The following ORC3 variants were observed in gnomAD, a reference collection of about 807,000 sequenced individuals.
The protein encoded by ORC3 is homolog of latheo, Drosophila.
In ORC3, 78 loss-of-function variants were observed where a neutral mutation model predicts 100.7. That is an observed-to-expected ratio of 0.77 (90% CI 0.65 to 0.94). ORC3 has a LOEUF of 0.94. ORC3 is among the 40% of genes least tolerant of loss of function. ORC3 has a pLI of 0.00. For missense variants in ORC3, 789 were observed against 823.9 expected (o/e 0.96, Z 0.52); for synonymous variants, 295 against 289.3 (o/e 1.02, Z -0.20).
intron 8 of ORC3, among the ~76,000 whole-genome samples, chr6:87,613,930 G>C (rs922448382): frequency 1.3e-5 from 2 of 152,210 alleles, no homozygotes; most frequent in Non-Finnish European, 2.9e-5. Flanking sequence ...GGTGCAAGCT[G>C]TTGGTGGATC....
intron 13 of ORC3, among the ~76,000 whole-genome samples, chr6:87,648,485 T>A (rs1768980002): frequency 6.6e-6 from 1 of 152,180 alleles, no homozygotes; most frequent in Admixed American, 6.5e-5. Flanking sequence ...CCTAATATTC[T>A]ACCACAGATG....
intron 13 of ORC3, 35 bp downstream of exon 13, chr6:87,636,521 CT>C (rs1562359410): frequency 2.9e-6 from 4 of 1,392,890 alleles, no homozygotes; most frequent in Non-Finnish European, 4.1e-6. Flanking sequence ...CTATTTTTGT[CT>C]GCTATAAGCC....
intron 1 of ORC3, among the ~76,000 whole-genome samples, chr6:87,592,453 A>G (rs1343498478): frequency 6.6e-6 from 1 of 151,988 alleles, no homozygotes; most frequent in East Asian, 1.9e-4. Context: ...CAACATGGTG[A>G]AACCACATCT....
chr6:87,673,839 CA>C, the ORC3 span, among the ~76,000 whole-genome samples: 96 of 142,412 alleles, frequency 6.7e-4, 1 homozygote, highest in Middle Eastern at 7.3e-3. Flanking sequence ...GACTCCATCT[CA>C]AAAAAAAAAA....
intron 8 of ORC3, among the ~76,000 whole-genome samples, 154 bp from the exon 9 acceptor site, chr6:87,616,160 T>C (rs761907736): frequency 7.2e-5 from 11 of 152,222 alleles, no homozygotes; most frequent in Non-Finnish European, 1.5e-4. Context: ...TTAAAATTTT[T>C]GTTGACATTT....
intron 1 of ORC3, among the ~76,000 whole-genome samples, chr6:87,593,220 C>G (rs912594979): frequency 1.3e-5 from 2 of 152,190 alleles, no homozygotes; most frequent in African/African-American, 4.8e-5. Flanking sequence ...TAATATGAAA[C>G]TAAACATAGC....
intron 3 of ORC3, among the ~76,000 whole-genome samples, chr6:87,602,954 A>ATATATATATAT (rs1554236515): frequency 3.1e-5 from 3 of 95,300 alleles, no homozygotes; most frequent in African/African-American, 4.2e-5. Flanking sequence ...ACACATATAT[A>ATATATATATAT]ATATATATAT....
At chr6:87,628,214 A>G (rs1780064278) in intron 11 of ORC3, among the ~76,000 whole-genome samples, 1 of 152,216 alleles carries the variant, frequency 6.6e-6, no homozygotes, top group Admixed American at 6.5e-5. Context: ...TAAACAGCTA[A>G]TGCATGCGGG....
chr6:87,614,671 CA>C (rs1213275743), intron 8 of ORC3, among the ~76,000 whole-genome samples: 1 of 152,154 alleles, frequency 6.6e-6, no homozygotes, highest in Non-Finnish European at 1.5e-5. Context: ...CCCTCAAGTT[CA>C]AAGTTCCACA....
intron 13 of ORC3, among the ~76,000 whole-genome samples, chr6:87,649,636 C>T (rs1408790914): frequency 6.6e-6 from 1 of 152,132 alleles, no homozygotes; most frequent in Non-Finnish European, 1.5e-5. Context: ...ATTCCAGCTA[C>T]TCAGGAGGCT....
At position 87,634,919 on chromosome 6, in the gene ORC3, T is replaced by G. The variant is rs776623223; in HGVS notation, c.1260T>G (p.His420Gln). The G allele has an allele frequency of 6.2e-6, 10 of 1,603,120 alleles. No individual in the cohort carries two copies. Among genetic ancestry groups the G allele is most frequent in the Middle Eastern group, 1.7e-4 (1 of 6,036 alleles). Reference sequence around the variant, plus strand: ...ACTTCCTGGTTTTGAGATGTCTTCATAAGTTCACCTCTTCTCTTCCCAAGT... The same window carrying G: ...ACTTCCTGGTTTTGAGATGTCTTCAGAAGTTCACCTCTTCTCTTCCCAAGT... ...MNYFLVLRCLHKFTSSLPKYP... is the reference protein window; with the variant it reads ...MNYFLVLRCLQKFTSSLPKYP... Residue 420 changes from histidine to glutamine, a missense_variant, in exon 12 of 20, where the codon CAT (histidine) becomes CAG (glutamine). This residue lies in a region of ORC3 where 366 missense variants were observed against 394.2 expected (regional missense o/e 0.93). Coordinates refer to ENST00000392844, the MANE Select transcript of ORC3 (RefSeq NM_012381.4).
intron 16 of ORC3, among the ~76,000 whole-genome samples, chr6:87,660,136 A>G (rs1770072518): frequency 6.6e-6 from 1 of 152,188 alleles, no homozygotes; most frequent in African/African-American, 2.4e-5. Context: ...TAGGCTCTGA[A>G]ATCACATCAG....
chr6:87,665,544 A>G (rs1269352110), intron 18 of ORC3, among the ~76,000 whole-genome samples: 3 of 152,200 alleles, frequency 2.0e-5, no homozygotes, highest in Non-Finnish European at 4.4e-5. Context: ...GCATACTCTT[A>G]GTTCTCTGAA....
At chr6:87,640,148 C>T (rs1003674720) in intron 13 of ORC3, among the ~76,000 whole-genome samples, 3 of 148,064 alleles carry the variant, frequency 2.0e-5, no homozygotes, top group South Asian at 2.1e-4. Context: ...TTCAGCCAGC[C>T]TCTAGTGTAT....
intron 13 of ORC3, among the ~76,000 whole-genome samples, chr6:87,643,340 C>T (rs1184045699): frequency 5.3e-5 from 8 of 151,466 alleles, no homozygotes; most frequent in Middle Eastern, 6.8e-3. Flanking sequence ...TTAACAAGCA[C>T]TCTGGCACAT....
At chr6:87,636,227 T>C (rs1767816591) in intron 12 of ORC3, among the ~76,000 whole-genome samples, 180 bp from the exon 13 acceptor site, 2 of 152,156 alleles carry the variant, frequency 1.3e-5, no homozygotes, top group East Asian at 1.9e-4. Flanking sequence ...CCACCGCGCC[T>C]GGCCGTAAAT....
At chr6:87,666,988 A>C (rs1770695440) in intron 19 of ORC3, 30 bp from the exon 20 acceptor site, 3 of 1,369,112 alleles carry the variant, frequency 2.2e-6, no homozygotes, top group Middle Eastern at 1.8e-4. Context: ...AAAATACAGC[A>C]CGGCCAGTTT....
At chr6:87,672,459 TG>T in the ORC3 span, among the ~76,000 whole-genome samples, 3 of 152,210 alleles carry the variant, frequency 2.0e-5, no homozygotes, top group African/African-American at 7.2e-5. Context: ...GCTCCTTACC[TG>T]GGGCAAATGC....
intron 2 of ORC3, among the ~76,000 whole-genome samples, chr6:87,597,862 C>T (rs371933399): frequency 6.6e-6 from 1 of 151,624 alleles, no homozygotes; most frequent in South Asian, 2.1e-4. Context: ...CCACACATTT[C>T]TTTAATGTTG....
Sources: gnomAD v4.1 joint callset for allele counts (sites outside exome capture counted in the v4.1 genomes callset) on GRCh38, gnomAD v4.1.1 for gene constraint, gnomAD v4.1.1 regional missense constraint, MANE v1.5 for transcripts, NCBI Gene and HGNC (gene_info 2026-07-23, HGNC 2026-07-21) for gene names.